KIF3A: variants seen among roughly 807,000 people sequenced by gnomAD.
The protein encoded by KIF3A is kinesin-like protein KIF3A.
A neutral mutation model predicts 92.6 loss-of-function variants in KIF3A; 27 were observed. The observed-to-expected ratio is 0.29, with a 90% CI of 0.21 to 0.40. The LOEUF (loss-of-function observed/expected upper bound fraction) is 0.40, where lower values mean the gene tolerates loss of function less well. Among genes scored for constraint, KIF3A ranks in the 10% least tolerant of loss-of-function variants. The probability of loss-of-function intolerance (pLI) is 1.00; values close to 1 mark genes in which losing one functional copy is unlikely to be tolerated. For missense variants in KIF3A, 581 were observed against 872.6 expected (o/e 0.67, Z 4.21); for synonymous variants, 250 against 275.4 (o/e 0.91, Z 0.92).
chr5:132,716,925 T>C lies in KIF3A; in HGVS notation c.676A>G (p.Ile226Val). The change falls in exon 6 of 19, where the codon ATT (isoleucine) becomes GTT (valine). Residue 226 changes from isoleucine (I) to valine (V), a missense_variant. Transcript: ENST00000403231. ...CCTTTTTCACTGCATTCTATAGTAA[T>C]TGTAAAGATGGCATGGGAACGGGAA... is the stretch of plus-strand genomic sequence containing the variant. ...HSSRSHAIFT[I>V]TIECSEKGID... 2 of 1,613,966 alleles carry C rather than the reference T, an allele frequency of 1.2e-6. No homozygotes were observed. The highest frequency in any genetic ancestry group is 1.7e-6 in the Non-Finnish European group (2 of 1,179,864).
At chr5:132,713,228 T>C (rs1753491664) in intron 8 of KIF3A, among the ~76,000 whole-genome samples, 1 of 152,140 alleles carries the variant, frequency 6.6e-6, no homozygotes, top group Non-Finnish European at 1.5e-5. Context: ...ATGCAGTGTG[T>C]GATCCTGGAT....
chr5:132,705,458 G>A (rs1753179397), intron 11 of KIF3A, among the ~76,000 whole-genome samples: 1 of 151,828 alleles, frequency 6.6e-6, no homozygotes, highest in African/African-American at 2.4e-5. Flanking sequence ...TGTTTCAATA[G>A]TTAAAAACAG....
chr5:132,736,072 G>A (rs1754379661), intron 1 of KIF3A, among the ~76,000 whole-genome samples: 1 of 152,150 alleles, frequency 6.6e-6, no homozygotes, highest in Admixed American at 6.5e-5. Flanking sequence ...TCCTGACTAG[G>A]TCAAATACTC....
chr5:132,736,393 ACTT>A (rs1754389443), intron 1 of KIF3A, among the ~76,000 whole-genome samples: 1 of 152,192 alleles, frequency 6.6e-6, no homozygotes, highest in Non-Finnish European at 1.5e-5. Flanking sequence ...ACCAGAATCT[ACTT>A]CTCTCTATTG....
rs111609523 is a variant in KIF3A, at chr5:132,693,172, G to GA, written c.*3461dup. On this transcript the variant is annotated 3_prime_UTR_variant, in exon 19 of 19. Coordinates refer to ENST00000403231, the MANE Select transcript of KIF3A (RefSeq NM_001300791.2). The stretch of plus-strand genomic sequence containing the variant: ...AAACCTTAAATTTTTGCTGTAAAAA[G>GA]AAAAAAAAAACAACTCCCTTTCTCC... 0.27 allele frequency: 38,834 copies of GA among 144,908 alleles called. 6,521 individuals carry two copies. The highest frequency in any genetic ancestry group is 0.75 in the East Asian group (3,841 of 5,142). The allele number at this position is 144,908 out of a possible 1,614,324, so 9.0% of individuals were successfully genotyped here.
At chr5:132,720,270 C>T (rs1192724827) in intron 5 of KIF3A, among the ~76,000 whole-genome samples, 1 of 152,226 alleles carries the variant, frequency 6.6e-6, no homozygotes, top group Non-Finnish European at 1.5e-5. Flanking sequence ...CCTGTGAGGA[C>T]TAAGAGAGCA....
rs1036241783 is a variant in KIF3A, at chr5:132,694,182, C to T, written c.*2452G>A. On this transcript the variant is annotated 3_prime_UTR_variant, in exon 19 of 19. Transcript: ENST00000403231. Reference sequence around the variant, plus strand: ...CTTCGGGAGCCTGAGGCGGGTGGATCACTTAAGCTCTAGGAGTTCAAGACA... The same window carrying T: ...CTTCGGGAGCCTGAGGCGGGTGGATTACTTAAGCTCTAGGAGTTCAAGACA... The T allele has an allele frequency of 6.6e-6, 1 of 152,078 alleles. No homozygotes were observed. Among genetic ancestry groups the T allele is most frequent in the South Asian group, 2.1e-4 (1 of 4,810 alleles). 9.4% of individuals were successfully genotyped at this position (152,078 alleles called of 1,614,324 possible).
chr5:132,715,776 C>T lies in KIF3A; in HGVS notation c.1110G>A (p.Leu370=). The change falls in exon 8 of 19, where the codon CTG becomes CTA. Residue 370 remains leucine, a synonymous_variant. Transcript: ENST00000403231. ...LRQFQKEIEE[L]KKKLEEGEEI... The stretch of plus-strand genomic sequence containing the variant: ...AGCTACCTTCTTCAAGCTTCTTTTT[C>T]AGTTCTTCTATTTCTTTCTGGAACT... 1 of 1,606,346 alleles carries T rather than the reference C, an allele frequency of 6.2e-7. No individual in the cohort carries two copies. The highest frequency in any genetic ancestry group is 2.2e-5 in the East Asian group (1 of 44,788).
chr5:132,710,065 G>C (rs1258035173), intron 9 of KIF3A, among the ~76,000 whole-genome samples: 2 of 152,088 alleles, frequency 1.3e-5, no homozygotes, highest in Admixed American at 1.3e-4. Context: ...ATGGTAAAAA[G>C]GTTTGAAATG....
chr5:132,700,691 C>G lies in KIF3A; in HGVS notation c.1894G>C (p.Glu632Gln). The G allele has an allele frequency of 6.3e-7, 1 of 1,588,046 alleles. No individual in the cohort carries two copies. The highest frequency in any genetic ancestry group is 8.6e-7 in the Non-Finnish European group (1 of 1,156,748). Residue 632 changes from glutamate to glutamine, a missense_variant, in exon 16 of 19, where the codon GAA becomes CAA. Coordinates refer to ENST00000403231, the MANE Select transcript of KIF3A (RefSeq NM_001300791.2). ...TCTTCATTCCAATGGACATAGTTTT[C>G]AATCATTTCCTTTTAAAAGGGTGAA... ...FIPRDYQEMI[E>Q]NYVHWNEDIG...
intron 10 of KIF3A, among the ~76,000 whole-genome samples, chr5:132,707,828 C>A (rs1231098800): frequency 6.6e-6 from 1 of 152,188 alleles, no homozygotes; most frequent in East Asian, 1.9e-4. Context: ...AGCAACACTA[C>A]TCCCCTTTCT....
At chr5:132,702,388 A>T (rs1178915969) in intron 14 of KIF3A, among the ~76,000 whole-genome samples, 170 bp downstream of exon 14, 1 of 152,228 alleles carries the variant, frequency 6.6e-6, no homozygotes, top group Non-Finnish European at 1.5e-5. Context: ...GTTAAGGTTG[A>T]AAAGAAACAA....
intron 8 of KIF3A, among the ~76,000 whole-genome samples, chr5:132,712,620 G>C (rs541275665): frequency 3.3e-5 from 5 of 152,280 alleles, no homozygotes; most frequent in Admixed American, 1.3e-4. Flanking sequence ...AAGAAAGTAT[G>C]ACAAGAAACA....
chr5:132,723,255 C>T (rs888361308), intron 4 of KIF3A: 1 of 152,200 alleles, frequency 6.6e-6, no homozygotes, highest in African/African-American at 2.4e-5. Flanking sequence ...ATACCATCCC[C>T]ATCAAGCTAC....
chr5:132,699,269 C>T lies in KIF3A; in HGVS notation c.2034G>A (p.Val678=), dbSNP rs1264539564. ...GACTCTCCTCAGTATAGGCAAGATA[C>T]ACGTGAGAAAGGTCCACCTCAAAGG... ...KDPFEVDLSH[V]YLAYTEESLR... Residue 678 remains valine (V), a synonymous_variant, in exon 18 of 19, where the codon GTG becomes GTA. Coordinates refer to ENST00000403231, the MANE Select transcript of KIF3A (RefSeq NM_001300791.2). 2.5e-6 allele frequency: 4 copies of T among 1,613,630 alleles called. No individual in the cohort carries two copies. The highest frequency in any genetic ancestry group is 1.3e-5 in the African/African-American group (1 of 74,868).
At chr5:132,720,399 A>C (rs1369984205) in intron 5 of KIF3A, among the ~76,000 whole-genome samples, 1 of 152,200 alleles carries the variant, frequency 6.6e-6, no homozygotes, top group Non-Finnish European at 1.5e-5. Flanking sequence ...GGCGCTACTA[A>C]AAAGAAACAA....
In KIF3A at chr5:132,737,285, C is replaced by T. The variant is rs1240933231; in HGVS notation, c.6+129G>A. 6.5e-6 allele frequency: 7 copies of T among 1,071,288 alleles called. No individual in the cohort carries two copies. The Admixed American group carries it at 1.7e-4, about 27-fold the overall frequency. The allele number at this position is 1,071,288 out of a possible 1,614,324, so 66.4% of individuals were successfully genotyped here. A position where few individuals can be genotyped will look rare whatever the true frequency, so the allele number is the denominator to read the frequency against. On this transcript the variant is annotated intron_variant, in intron 1 of 18. Transcript: ENST00000403231. The stretch of plus-strand genomic sequence containing the variant: ...AGCCAGGCTCTCCAACCACCTCCAC[C>T]GCACGACCGAGCCTGCCCCGCCCCA...
intron 8 of KIF3A, among the ~76,000 whole-genome samples, chr5:132,712,393 A>G (rs1157573481): frequency 6.6e-6 from 1 of 152,256 alleles, no homozygotes; most frequent in Non-Finnish European, 1.5e-5. Context: ...TTCAATGAAC[A>G]AAATAAATAA....
rs552006622 is a variant in KIF3A, at chr5:132,705,878, A to T, written c.1309+573T>A. Among the ~76,000 whole-genome samples, 103 of 152,070 alleles carry T rather than the reference A, an allele frequency of 6.8e-4. 1 individual carries two copies. In the South Asian group the frequency reaches 0.02, roughly 30 times the overall value. ...TGTATTTTTCAAAGGACTTTTTTTT[A>T]AAAAAACCTTCTTAAACCAATCAAA... On this transcript the variant is annotated intron_variant, in intron 11 of 18. Coordinates refer to ENST00000403231, the MANE Select transcript of KIF3A (RefSeq NM_001300791.2).
Sources: allele counts gnomAD v4.1 joint callset (sites outside exome capture counted in the v4.1 genomes callset), GRCh38; gene constraint gnomAD v4.1.1; transcripts MANE v1.5; gene names NCBI Gene and HGNC (gene_info 2026-07-23, HGNC 2026-07-21).